Variants in RNF213 observed in about 807,000 individuals in gnomAD.
RNF213 encodes the protein ring finger protein 213.
RNF213 carries 341 observed loss-of-function variants against 514.4 expected under a neutral mutation model. That is an observed-to-expected ratio of 0.66 (90% confidence interval 0.61 to 0.73). The LOEUF (loss-of-function observed/expected upper bound fraction) is 0.73, where lower values mean the gene tolerates loss of function less well. Among genes scored for constraint, RNF213 ranks in the 30% least tolerant of loss-of-function variants. RNF213 has a pLI of 0.00. For missense variants in RNF213, 5,767 were observed against 6,615.6 expected (o/e 0.87, Z 4.45); for synonymous variants, 2,655 against 2,658.2 (o/e 1.00, Z 0.04).
At chr17:80,366,416 A>G (rs1356461850) in intron 42 of RNF213, among the ~76,000 whole-genome samples, 2 of 152,080 alleles carry the variant, frequency 1.3e-5, no homozygotes, top group African/African-American at 2.4e-5. Context: ...ACCTGTTACT[A>G]TCTGATTTTT....
At chr17:80,306,116 C>G (rs1034826299) in intron 11 of RNF213, 136 bp from the exon 12 acceptor site, 2 of 841,438 alleles carry the variant, frequency 2.4e-6, no homozygotes, top group Admixed American at 2.0e-5. Context: ...GTGTGAGCCA[C>G]CACGCCTGCC....
Position 80,332,462 on chromosome 17 carries a change from G to A in RNF213, c.3974G>A (p.Cys1325Tyr). 6.5e-7 allele frequency: 1 copy of A among 1,537,124 alleles called. No homozygotes were observed. The highest frequency in any genetic ancestry group is 8.7e-7 in the Non-Finnish European group (1 of 1,146,858). The change falls in exon 21 of 68, where the codon TGC (cysteine) becomes TAC (tyrosine). Residue 1325 changes from cysteine (C) to tyrosine (Y), a missense_variant. Physicochemically the swap from Cys to Tyr is radical, Grantham distance 194. Transcript: ENST00000582970. ...TDLDSELKIM[C>Y]TVDHQDQRDW... Reference sequence around the variant, plus strand: ...CTGGATTCAGAACTTAAGATCATGTGCACCGTGGACCACCAGGACCAAAGA... The same window carrying A: ...CTGGATTCAGAACTTAAGATCATGTACACCGTGGACCACCAGGACCAAAGA...
chr17:80,371,323 C>T (rs1439407061), intron 46 of RNF213, among the ~76,000 whole-genome samples: 1 of 152,140 alleles, frequency 6.6e-6, no homozygotes, highest in South Asian at 2.1e-4. Flanking sequence ...CTCGCTATTC[C>T]GAGTATATGA....
rs1599231767 is a variant in RNF213 at position 80,393,605 on chromosome 17, A to C, written c.*107A>C. 7.8e-7 allele frequency: 1 copy of C among 1,287,732 alleles called. No homozygotes were observed. Among genetic ancestry groups the C allele is most frequent in the Non-Finnish European group, 1.1e-6 (1 of 907,672 alleles). 79.8% of individuals were successfully genotyped at this position (1,287,732 alleles called of 1,614,324 possible). A position where few individuals can be genotyped will look rare whatever the true frequency, so the allele number is the denominator to read the frequency against. On this transcript the variant is annotated 3_prime_UTR_variant, in exon 68 of 68. Coordinates refer to ENST00000582970, the MANE Select transcript of RNF213 (RefSeq NM_001256071.3). ...CTGGTGCCTTTGCATTCAGAAGGAG[A>C]GCTGTCAGCGTAGCACCGAATTCAA...
In RNF213 at chr17:80,393,583, G is replaced by C. The variant is rs1377931453; in HGVS notation, c.*85G>C. 16 of 1,455,138 alleles carry C rather than the reference G, an allele frequency of 1.1e-5. No homozygotes were observed. The highest frequency in any genetic ancestry group is 1.5e-5 in the Non-Finnish European group (16 of 1,048,368). The allele number at this position is 1,455,138 out of a possible 1,614,324, so 90.1% of individuals were successfully genotyped here. ...GCGGCGTGGACTTGATCATGGACTGGTGCCTTTGCATTCAGAAGGAGAGCT... is the reference window on the plus strand; with the variant it reads ...GCGGCGTGGACTTGATCATGGACTGCTGCCTTTGCATTCAGAAGGAGAGCT... On this transcript the variant is annotated 3_prime_UTR_variant, in exon 68 of 68. Coordinates refer to ENST00000582970, the MANE Select transcript of RNF213 (RefSeq NM_001256071.3).
At chr17:80,268,313 C>T (rs2043677298) in intron 2 of RNF213, among the ~76,000 whole-genome samples, 1 of 143,102 alleles carries the variant, frequency 7.0e-6, no homozygotes, top group African/African-American at 2.6e-5. Context: ...GTGATCATAC[C>T]ACTGCACTCC....
chr17:80,346,931 G>A lies in RNF213; in HGVS notation c.8596G>A (p.Asp2866Asn), dbSNP rs751893522. ...GAAGACTCTGCACCCGCTGCTGGAA[G>A]ACGGATGCATTGAAGACGATCCCGC... ...PLKTLHPLLE[D>N]GCIEDDPAPH... is the part of the protein sequence containing the mutation. Residue 2866 changes from aspartate (D) to asparagine (N), a missense_variant, in exon 29 of 68, where the codon GAC becomes AAC. Coordinates refer to ENST00000582970, the MANE Select transcript of RNF213 (RefSeq NM_001256071.3). This position sits in a 1 kb window ranked among gnomAD's most constrained non-coding sequence, Gnocchi z 8.1. The A allele has an allele frequency of 1.2e-6, 2 of 1,614,028 alleles. No individual in the cohort carries two copies. Among genetic ancestry groups the A allele is most frequent in the African/African-American group, 1.3e-5 (1 of 74,946 alleles).
intron 7 of RNF213, 54 bp from the exon 8 acceptor site, chr17:80,291,574 A>G: frequency 1.9e-6 from 3 of 1,570,824 alleles, no homozygotes; most frequent in African/African-American, 2.7e-5. Context: ...GAGAATAACT[A>G]AAATTTCCGG....
At chr17:80,389,455 CA>C (rs1224807398) in intron 65 of RNF213, 88 bp downstream of exon 65, 2 of 1,175,486 alleles carry the variant, frequency 1.7e-6, no homozygotes, top group African/African-American at 3.0e-5. Flanking sequence ...CAGGGAGTGC[CA>C]CTCTAGGCGC....
At chr17:80,342,431 C>T (rs547895044) in intron 26 of RNF213, among the ~76,000 whole-genome samples, 2 of 152,066 alleles carry the variant, frequency 1.3e-5, no homozygotes, top group South Asian at 4.1e-4. Flanking sequence ...ATTCTTGAAT[C>T]TGATGTTATG....
chr17:80,344,503 T>C (rs2078248379), intron 28 of RNF213, among the ~76,000 whole-genome samples, 175 bp from the exon 29 acceptor site: 3 of 152,236 alleles, frequency 2.0e-5, no homozygotes, highest in Non-Finnish European at 1.5e-5. Flanking sequence ...CAGCAATGCC[T>C]TACTTAATGT....
In RNF213 at chr17:80,263,340, C is replaced by A. The variant is rs112186995; in HGVS notation, c.-108-234C>A. ...GGCCGTGGGACCCTGCCGAACAGCACGTGGCTGCCCCACGCCTGCCTGGAG... is the reference window on the plus strand; with the variant it reads ...GGCCGTGGGACCCTGCCGAACAGCAAGTGGCTGCCCCACGCCTGCCTGGAG... On this transcript the variant is annotated intron_variant, in intron 1 of 67. Coordinates refer to ENST00000582970, the MANE Select transcript of RNF213 (RefSeq NM_001256071.3). This position sits in a 1 kb window ranked among gnomAD's most constrained non-coding sequence, Gnocchi z 4.9. Among the ~76,000 whole-genome samples, 6 of 152,168 alleles carry A rather than the reference C, an allele frequency of 3.9e-5. No homozygotes were observed. The highest frequency in any genetic ancestry group is 7.4e-5 in the Non-Finnish European group (5 of 68,024).
At chr17:80,322,923 T>G (rs2046185050) in intron 17 of RNF213, among the ~76,000 whole-genome samples, 1 of 152,240 alleles carries the variant, frequency 6.6e-6, no homozygotes, top group African/African-American at 2.4e-5. Flanking sequence ...TTGTTGCTTG[T>G]ACTTTTGGTG....
Position 80,389,706 on chromosome 17 carries a change from T to G in RNF213, c.15196-122T>G. The stretch of plus-strand genomic sequence containing the variant: ...GGCCTTCACAAGGAGGGAGATCACA[T>G]TAGTACAGGGCAGAACGAAGAGAAG... On this transcript the variant is annotated intron_variant, in intron 65 of 67. Coordinates refer to ENST00000582970, the MANE Select transcript of RNF213 (RefSeq NM_001256071.3). 4 of 857,306 alleles carry G rather than the reference T, an allele frequency of 4.7e-6. No homozygotes were observed. The South Asian group carries it at 5.5e-5, about 12-fold the overall frequency. 53.1% of individuals were successfully genotyped at this position (857,306 alleles called of 1,614,324 possible). A position where few individuals can be genotyped will look rare whatever the true frequency, so the allele number is the denominator to read the frequency against.
chr17:80,328,425 A>C lies in RNF213; in HGVS notation c.3465A>C (p.Arg1155Ser). The stretch of plus-strand genomic sequence containing the variant: ...TGTTACTTCTAAAGAAAGAGAAAAG[A>C]TGTGTTGATAGTCTCCTGAAGATGT... Reference protein sequence around the residue: ...EELLLLKKEKRCVDSLLKMCG... With the variant: ...EELLLLKKEKSCVDSLLKMCG... Residue 1155 changes from arginine to serine, a missense_variant, in exon 20 of 68, where the codon AGA (arginine) becomes AGC (serine). Arg to Ser is a moderately radical substitution (Grantham distance 110). Coordinates refer to ENST00000582970, the MANE Select transcript of RNF213 (RefSeq NM_001256071.3). 1 of 1,537,216 alleles carries C rather than the reference A, an allele frequency of 6.5e-7. No individual in the cohort carries two copies. Among genetic ancestry groups the C allele is most frequent in the Non-Finnish European group, 8.7e-7 (1 of 1,146,894 alleles).
intron 61 of RNF213, among the ~76,000 whole-genome samples, 174 bp from the exon 62 acceptor site, chr17:80,386,076 C>T (rs1472556742): frequency 6.6e-6 from 1 of 152,134 alleles, no homozygotes; most frequent in Non-Finnish European, 1.5e-5. Context: ...AATATGGCAT[C>T]AAAAGGGAGC....
At chr17:80,368,438 T>TC (rs2079369324) in intron 44 of RNF213, among the ~76,000 whole-genome samples, 1 of 151,240 alleles carries the variant, frequency 6.6e-6, no homozygotes, top group South Asian at 2.1e-4. Context: ...CCAGTGTTTT[T>TC]TTTTTTTTTT....
chr17:80,273,163 G>A (rs778210213), intron 2 of RNF213, 78 bp from the exon 3 acceptor site: 21 of 1,573,462 alleles, frequency 1.3e-5, no homozygotes, highest in African/African-American at 2.7e-5. Flanking sequence ...CCATGCACTC[G>A]TGGGGAGGAT....
chr17:80,337,747 G>A lies in RNF213; in HGVS notation c.4668+21G>A, dbSNP rs542556066. 3.3e-5 allele frequency: 51 copies of A among 1,537,266 alleles called. 1 individual carries two copies. Among genetic ancestry groups the A allele is most frequent in the African/African-American group, 2.7e-4 (20 of 73,174 alleles). On this transcript the variant is annotated intron_variant, in intron 24 of 67. Coordinates refer to ENST00000582970, the MANE Select transcript of RNF213 (RefSeq NM_001256071.3). ...AAAAGGTGAGCGGTCCCCAGCCCTC[G>A]GCGCAGCTGCGGCCCTTCTGCAGGC... is the stretch of plus-strand genomic sequence containing the variant.
Sources: gnomAD v4.1 joint callset for allele counts (sites outside exome capture counted in the v4.1 genomes callset) on GRCh38, gnomAD v4.1.1 for gene constraint, Gnocchi (gnomAD v3.1) non-coding constraint, MANE v1.5 for transcripts, NCBI Gene and HGNC (gene_info 2026-07-23, HGNC 2026-07-21) for gene names.